The following L3MBTL3 variants were observed in gnomAD, a reference collection of about 807,000 sequenced individuals.
L3MBTL3 encodes the protein L3MBTL histone methyl-lysine binding protein 3, also known as lethal(3)malignant brain tumor-like protein 3.
In L3MBTL3, 27 loss-of-function variants were observed where a neutral mutation model predicts 102.3. That is an observed-to-expected ratio of 0.26 (90% confidence interval 0.19 to 0.36). The LOEUF is 0.36. L3MBTL3 is among the 10% of genes least tolerant of loss of function. The pLI is 1.00. For synonymous variants in L3MBTL3, 340 were observed against 320.9 expected, an observed-to-expected ratio of 1.06 and a Z score of -0.64; for missense variants, 798 against 955.3, an observed-to-expected ratio of 0.84 and a Z score of 2.17.
chr6:130,047,509 ATT>A (rs1780801972), intron 3 of L3MBTL3, among the ~76,000 whole-genome samples: 1 of 152,182 alleles, frequency 6.6e-6, no homozygotes, highest in African/African-American at 2.4e-5. Flanking sequence ...TTTTACAGCA[ATT>A]TGAAAACTTA....
intron 19 of L3MBTL3, among the ~76,000 whole-genome samples, chr6:130,107,811 A>AG (rs1785082101): frequency 6.6e-6 from 1 of 152,180 alleles, no homozygotes; most frequent in Non-Finnish European, 1.5e-5. Flanking sequence ...AAACTCTCTT[A>AG]GGGGTTTTTT....
intron 3 of L3MBTL3, among the ~76,000 whole-genome samples, chr6:130,045,002 A>G (rs1335757886): frequency 6.6e-6 from 1 of 152,134 alleles, no homozygotes; most frequent in Non-Finnish European, 1.5e-5. Flanking sequence ...TAGTCAGCAA[A>G]TCTATAGAAG....
intron 18 of L3MBTL3, among the ~76,000 whole-genome samples, chr6:130,100,747 T>G (rs1784635873): frequency 1.3e-5 from 2 of 152,302 alleles, no homozygotes; most frequent in East Asian, 1.9e-4. Context: ...TTTAGAGAGA[T>G]ATTCTTTCAT....
chr6:130,112,735 T>TGTA (rs71028196), intron 19 of L3MBTL3, among the ~76,000 whole-genome samples: 76,562 of 151,494 alleles, frequency 0.51, 20,487 homozygotes, highest in African/African-American at 0.67. Context: ...TGAATCCACC[T>TGTA]GGTATGCCGA....
chr6:130,052,221 C>T (rs367980152), intron 6 of L3MBTL3, among the ~76,000 whole-genome samples: 2 of 152,092 alleles, frequency 1.3e-5, no homozygotes, highest in Admixed American at 1.3e-4. Context: ...ATTCACCTGC[C>T]TCAGCCTCCC....
intron 2 of L3MBTL3, among the ~76,000 whole-genome samples, chr6:130,032,298 C>G (rs1436956305): frequency 3.3e-5 from 5 of 152,052 alleles, no homozygotes; most frequent in African/African-American, 1.2e-4. Context: ...TTTAAAAAAC[C>G]TAGAGTAGCG....
At chr6:130,019,947 TGCGGGC>T (rs1404562050) in intron 1 of L3MBTL3, among the ~76,000 whole-genome samples, 31 of 108,282 alleles carry the variant, frequency 2.9e-4, no homozygotes, top group African/African-American at 8.7e-4. Flanking sequence ...CCGGCCCGGG[TGCGGGC>T]GCGGGCGCGG....
Position 130,041,822 on chromosome 6 carries a change from A to G in L3MBTL3, c.-15-863A>G, listed in dbSNP as rs140526558. Among the ~76,000 whole-genome samples, 483 of 152,330 alleles carry G rather than the reference A, an allele frequency of 3.2e-3. 1 individual carries two copies. The highest frequency in any genetic ancestry group is 7.7e-3 in the Admixed American group (118 of 15,296). ...TTGGACATTTCCTGCTATTGAGCAG[A>G]AATCAGCTTCTTCTATGGGGAGAAT... On this transcript the variant is annotated intron_variant, in intron 2 of 22. Transcript: ENST00000361794.
At position 130,058,647 on chromosome 6, in the gene L3MBTL3, T is replaced by G. The variant is rs191783736; in HGVS notation, c.759+1150T>G. 4.1e-4 allele frequency among the ~76,000 whole-genome samples: 62 copies of G among 152,198 alleles called. 1 individual carries two copies. The highest frequency in any genetic ancestry group is 1.4e-3 in the African/African-American group (58 of 41,518). ...TAAACTTTTTTGGTAAAGGGCCAGATAGTAAATATGTTAGGCATTTCAGAG... is the reference window on the plus strand; with the variant it reads ...TAAACTTTTTTGGTAAAGGGCCAGAGAGTAAATATGTTAGGCATTTCAGAG... On this transcript the variant is annotated intron_variant, in intron 9 of 22. Transcript: ENST00000361794.
intron 12 of L3MBTL3, among the ~76,000 whole-genome samples, chr6:130,070,314 C>G (rs146657411): frequency 6.6e-6 from 1 of 152,178 alleles, no homozygotes; most frequent in East Asian, 1.9e-4. Flanking sequence ...TGTTTTTGTT[C>G]CATGTTCTGA....
At chr6:130,043,606 CA>C (rs1780561333) in intron 3 of L3MBTL3, among the ~76,000 whole-genome samples, 1 of 152,160 alleles carries the variant, frequency 6.6e-6, no homozygotes, top group Admixed American at 6.5e-5. Flanking sequence ...CTTGATCGTT[CA>C]GGTATTTGAA....
chr6:130,049,517 G>A, intron 4 of L3MBTL3, 124 bp downstream of exon 4: 1 of 733,966 alleles, frequency 1.4e-6, no homozygotes, highest in Non-Finnish European at 2.2e-6. Context: ...CATGTTGTTA[G>A]GTAAATTTCT....
chr6:130,049,507 C>A, intron 4 of L3MBTL3, 114 bp downstream of exon 4: 1 of 756,114 alleles, frequency 1.3e-6, no homozygotes, highest in Non-Finnish European at 2.1e-6. Flanking sequence ...TTTTGTGCCT[C>A]ATGTTGTTAG....
chr6:130,037,957 T>A (rs1562255899), intron 2 of L3MBTL3, among the ~76,000 whole-genome samples: 2 of 152,004 alleles, frequency 1.3e-5, no homozygotes, highest in Non-Finnish European at 2.9e-5. Flanking sequence ...TAGCCTCTAG[T>A]AACCACTGTT....
At position 130,084,715 on chromosome 6, in the gene L3MBTL3, G is replaced by A. The variant is rs543779172; in HGVS notation, c.1407+1010G>A. On this transcript the variant is annotated intron_variant, in intron 15 of 22. Coordinates refer to ENST00000361794, the MANE Select transcript of L3MBTL3 (RefSeq NM_032438.4). ...AACGAATAAAATTACATACAGATCAGCCTACATGTCTACTGTCACAACAGA... is the reference window on the plus strand; with the variant it reads ...AACGAATAAAATTACATACAGATCAACCTACATGTCTACTGTCACAACAGA... Among the ~76,000 whole-genome samples the A allele has an allele frequency of 3.9e-5, 6 of 152,306 alleles. No individual in the cohort carries two copies. In the East Asian group the frequency reaches 7.7e-4, roughly 20 times the overall value.
At chr6:130,086,551 A>T (rs1783704893) in intron 16 of L3MBTL3, among the ~76,000 whole-genome samples, 1 of 152,214 alleles carries the variant, frequency 6.6e-6, no homozygotes, top group Non-Finnish European at 1.5e-5. Flanking sequence ...TCATTCTCTG[A>T]TAGTATGCCC....
chr6:130,095,989 A>G (rs1784339818), intron 18 of L3MBTL3, among the ~76,000 whole-genome samples: 1 of 152,236 alleles, frequency 6.6e-6, no homozygotes, highest in South Asian at 2.1e-4. Context: ...AATATTTTCG[A>G]GCAGCATTTT....
intron 8 of L3MBTL3, among the ~76,000 whole-genome samples, chr6:130,056,518 T>C (rs1781521023): frequency 6.6e-6 from 1 of 152,136 alleles, no homozygotes; most frequent in Non-Finnish European, 1.5e-5. Context: ...TTCTGTTAAT[T>C]CCTCAAAAAA....
intron 2 of L3MBTL3, among the ~76,000 whole-genome samples, chr6:130,026,708 A>G (rs546965758): frequency 6.8e-4 from 103 of 152,262 alleles, no homozygotes; most frequent in African/African-American, 2.3e-3. Context: ...ATTACTCAGA[A>G]TAGGCTTGGG....
Sources: allele counts gnomAD v4.1 joint callset (sites outside exome capture counted in the v4.1 genomes callset), GRCh38; gene constraint gnomAD v4.1.1; transcripts MANE v1.5; gene names NCBI Gene and HGNC (gene_info 2026-07-23, HGNC 2026-07-21).